The following SNTG1 variants were observed in gnomAD, a reference collection of about 807,000 sequenced individuals.
SNTG1 encodes the protein syntrophin gamma 1.
SNTG1 carries 39 observed loss-of-function variants against 74.7 expected under a neutral mutation model. The observed-to-expected ratio is 0.52, with a 90% confidence interval of 0.40 to 0.68. The LOEUF (loss-of-function observed/expected upper bound fraction) is 0.68, where lower values mean the gene tolerates loss of function less well. Among genes scored for constraint, SNTG1 ranks in the 30% least tolerant of loss-of-function variants. The probability of loss-of-function intolerance (pLI) is 0.00; values close to 1 mark genes in which losing one functional copy is unlikely to be tolerated. For missense variants in SNTG1, 685 were observed against 609.5 expected (o/e 1.12, Z -1.30); for synonymous variants, 254 against 217.1 (o/e 1.17, Z -1.49).
At chr8:50,455,379 A>G (rs79609146) in intron 8 of SNTG1, among the ~76,000 whole-genome samples, 3,587 of 152,354 alleles carry the variant, frequency 0.024, 68 homozygotes, top group Non-Finnish European at 0.036. Context: ...ATTCTCATGA[A>G]TAGAATTTAT....
At chr8:50,175,652 C>T (rs1180975642) in intron 2 of SNTG1, among the ~76,000 whole-genome samples, 1 of 152,162 alleles carries the variant, frequency 6.6e-6, no homozygotes. Flanking sequence ...ACAGTAAATC[C>T]TGACTAAAGC....
chr8:50,648,690 ATATAT>A lies in SNTG1; in HGVS notation c.850-8217_850-8213del, dbSNP rs540785858. On this transcript the variant is annotated intron_variant, in intron 13 of 18. Transcript: ENST00000642720. ...CATTTTAAAAACAGGATTTAATAAA[ATATAT>A]TGTATATATAGAAAGTTCCTAAAAC... Among the ~76,000 whole-genome samples, 257 of 152,254 alleles carry A rather than the reference ATATAT, an allele frequency of 1.7e-3. 1 individual carries two copies. The highest frequency in any genetic ancestry group is 5.8e-3 in the African/African-American group (242 of 41,556).
chr8:50,143,625 G>T (rs530776331), intron 1 of SNTG1, among the ~76,000 whole-genome samples: 1 of 152,166 alleles, frequency 6.6e-6, no homozygotes, highest in African/African-American at 2.4e-5. Flanking sequence ...TCAGATGCAA[G>T]TTTGATAAGA....
intron 2 of SNTG1, among the ~76,000 whole-genome samples, chr8:50,352,387 C>G (rs140258407): frequency 2.0e-5 from 3 of 150,188 alleles, no homozygotes; most frequent in Non-Finnish European, 4.4e-5. Flanking sequence ...GTTTTTGGTT[C>G]GTTCTTTCTC....
At chr8:50,077,211 G>T (rs1586168344) in intron 1 of SNTG1, among the ~76,000 whole-genome samples, 1 of 152,262 alleles carries the variant, frequency 6.6e-6, no homozygotes, top group South Asian at 2.1e-4. Context: ...GCAGTTTTGT[G>T]TAGAATTATT....
At chr8:50,543,800 T>C (rs2623217) in intron 11 of SNTG1, among the ~76,000 whole-genome samples, 57,530 of 151,940 alleles carry the variant, frequency 0.38, 13,959 homozygotes, top group African/African-American at 0.69. Context: ...ATTTTACACT[T>C]GCACCAACAA....
chr8:50,250,568 A>G (rs971988527), intron 2 of SNTG1, among the ~76,000 whole-genome samples: 5 of 152,176 alleles, frequency 3.3e-5, no homozygotes, highest in Non-Finnish European at 5.9e-5. Flanking sequence ...TGCAAGAGAT[A>G]AATGTCAAGT....
intron 4 of SNTG1, among the ~76,000 whole-genome samples, chr8:50,418,623 A>G (rs2093042967): frequency 6.6e-6 from 1 of 152,108 alleles, no homozygotes; most frequent in Non-Finnish European, 1.5e-5. Context: ...AATTTGTACA[A>G]TATCTGCAGT....
At chr8:50,565,370 TAAA>T (rs1213464043) in intron 12 of SNTG1, among the ~76,000 whole-genome samples, 2 of 151,424 alleles carry the variant, frequency 1.3e-5, no homozygotes, top group Admixed American at 1.3e-4. Context: ...TTAATCATAA[TAAA>T]TGTGTCATTG....
At chr8:50,483,244 G>A (rs2093755686) in intron 8 of SNTG1, among the ~76,000 whole-genome samples, 1 of 152,080 alleles carries the variant, frequency 6.6e-6, no homozygotes. Context: ...ACATTTTTGT[G>A]CATAGCAGAC....
At chr8:50,676,597 G>T (rs530287657) in intron 15 of SNTG1, among the ~76,000 whole-genome samples, 4 of 151,390 alleles carry the variant, frequency 2.6e-5, no homozygotes, top group African/African-American at 9.7e-5. Flanking sequence ...TCAACATACC[G>T]TTTCTGATTC....
At chr8:50,091,230 T>G (rs539227586) in intron 1 of SNTG1, among the ~76,000 whole-genome samples, 6 of 152,244 alleles carry the variant, frequency 3.9e-5, no homozygotes, top group African/African-American at 1.2e-4. Flanking sequence ...GTAAAATGAT[T>G]ACTACAGTCA....
chr8:50,442,359 T>C (rs1164189861), intron 5 of SNTG1, among the ~76,000 whole-genome samples: 1 of 152,128 alleles, frequency 6.6e-6, no homozygotes, highest in African/African-American at 2.4e-5. Context: ...CTCCACTGTC[T>C]TTAAGTGAAG....
At chr8:50,210,272 G>A (rs779289876) in intron 2 of SNTG1, among the ~76,000 whole-genome samples, 13 of 152,142 alleles carry the variant, frequency 8.5e-5, no homozygotes, top group Non-Finnish European at 1.9e-4. Context: ...TGAAAGTAAC[G>A]GGGAGAATGG....
chr8:50,479,433 G>T (rs753935611), intron 8 of SNTG1, among the ~76,000 whole-genome samples: 1 of 151,934 alleles, frequency 6.6e-6, no homozygotes, highest in African/African-American at 2.4e-5. Context: ...CTTTCCTACA[G>T]AATTTGAAAT....
chr8:50,462,682 A>G (rs1229116445), intron 8 of SNTG1, among the ~76,000 whole-genome samples: 1 of 151,578 alleles, frequency 6.6e-6, no homozygotes, highest in Non-Finnish European at 1.5e-5. Flanking sequence ...TTCACCAGGA[A>G]GAGTTTCCTT....
At chr8:50,783,213 T>C (rs1327157416) in intron 18 of SNTG1, among the ~76,000 whole-genome samples, 2 of 152,188 alleles carry the variant, frequency 1.3e-5, no homozygotes, top group Non-Finnish European at 2.9e-5. Flanking sequence ...GGAGAACCAC[T>C]GCTCTCTTCA....
intron 1 of SNTG1, among the ~76,000 whole-genome samples, chr8:49,986,084 T>C (rs964552871): frequency 6.6e-6 from 1 of 152,232 alleles, no homozygotes; most frequent in Non-Finnish European, 1.5e-5. Flanking sequence ...TTAGTTCTAT[T>C]ATAAAACATC....
chr8:50,007,879 A>G (rs1371086586), intron 1 of SNTG1, among the ~76,000 whole-genome samples: 1 of 152,164 alleles, frequency 6.6e-6, no homozygotes, highest in African/African-American at 2.4e-5. Flanking sequence ...GAAACTTACA[A>G]TCATGGTGGG....
Sources: gnomAD v4.1 joint callset for allele counts (sites outside exome capture counted in the v4.1 genomes callset) on GRCh38, gnomAD v4.1.1 for gene constraint, MANE v1.5 for transcripts, NCBI Gene and HGNC (gene_info 2026-07-23, HGNC 2026-07-21) for gene names.